PCDHA9: variants seen among roughly 807,000 people sequenced by gnomAD.
PCDHA9 encodes the protein protocadherin alpha-9.
PCDHA9 carries 62 observed loss-of-function variants against 62.0 expected under a neutral mutation model. That is an observed-to-expected ratio of 1.00 (90% CI 0.81 to 1.23). PCDHA9 has a LOEUF of 1.23. Ranked by LOEUF, PCDHA9 falls within the 50% of genes most tolerant of loss-of-function variation. PCDHA9 has a pLI of 0.00. For missense variants in PCDHA9, 1,205 were observed against 1,249.8 expected, an observed-to-expected ratio of 0.96 and a Z score of 0.54; for synonymous variants, 557 against 567.6, an observed-to-expected ratio of 0.98 and a Z score of 0.27.
chr5:140,989,128 G>A (rs2097330831), intron 3 of PCDHA9: 1 of 152,178 alleles, frequency 6.6e-6, no homozygotes, highest in Non-Finnish European at 1.5e-5. Flanking sequence ...AGAAAAATAA[G>A]ACACTTTATC....
intron 1 of PCDHA9, chr5:140,852,649 T>C (rs1206238129): frequency 3.1e-6 from 3 of 960,206 alleles, no homozygotes; most frequent in African/African-American, 3.6e-5. Context: ...TAAACCTATC[T>C]ATATCTGTCT....
At chr5:140,875,891 TA>T (rs2055921027) in intron 1 of PCDHA9, 3 of 1,614,128 alleles carry the variant, frequency 1.9e-6, no homozygotes, top group Middle Eastern at 3.3e-4. Flanking sequence ...GAACAAAAGG[TA>T]CCTGTTTCTG....
intron 3 of PCDHA9, among the ~76,000 whole-genome samples, chr5:140,988,416 A>G (rs1462025901): frequency 6.6e-6 from 1 of 152,118 alleles, no homozygotes; most frequent in Non-Finnish European, 1.5e-5. Flanking sequence ...AGCTTATGTA[A>G]AGAATTTGTT....
intron 1 of PCDHA9, 142 bp from the exon 2 acceptor site, chr5:140,978,807 A>T (rs1489269679): frequency 6.7e-7 from 1 of 1,494,726 alleles, no homozygotes; most frequent in Non-Finnish European, 8.9e-7. Context: ...AGATATCATC[A>T]TAGAGTTACA....
intron 1 of PCDHA9, chr5:140,876,689 C>T: frequency 1.2e-6 from 2 of 1,614,228 alleles, no homozygotes; most frequent in Middle Eastern, 1.6e-4. Context: ...AATTACTACT[C>T]GTTGGTGCTG....
At chr5:141,001,723 A>G (rs936645287) in intron 3 of PCDHA9, among the ~76,000 whole-genome samples, 22 of 152,286 alleles carry the variant, frequency 1.4e-4, no homozygotes, top group African/African-American at 4.8e-4. Context: ...GGAGCTTGAG[A>G]TATTTTACAA....
chr5:140,857,603 C>T lies in PCDHA9; in HGVS notation c.2394+6714C>T, dbSNP rs547758195. The T allele has an allele frequency of 1.4e-5, 22 of 1,596,384 alleles. 1 individual carries two copies. The highest frequency in any genetic ancestry group is 1.3e-4 in the South Asian group (12 of 90,484). On this transcript the variant is annotated intron_variant, in intron 1 of 3. Transcript: ENST00000532602. ...CGCGGAGAGCGGCAAGGTGTACGCG[C>T]TGCAGCCGCTGGACCACGAGGAGCT...
intron 1 of PCDHA9, chr5:140,967,309 A>G (rs782218334): frequency 6.2e-7 from 1 of 1,611,224 alleles, no homozygotes; most frequent in East Asian, 2.2e-5. Context: ...GCGCCAACTC[A>G]GTACAGACCT....
At chr5:140,931,758 A>G (rs1374881766) in intron 1 of PCDHA9, among the ~76,000 whole-genome samples, 1 of 151,944 alleles carries the variant, frequency 6.6e-6, no homozygotes, top group African/African-American at 2.4e-5. Flanking sequence ...GGCATTTGTT[A>G]TTTACTTCTT....
chr5:140,939,634 G>T (rs1032922800), intron 1 of PCDHA9, among the ~76,000 whole-genome samples: 12 of 152,184 alleles, frequency 7.9e-5, no homozygotes, highest in South Asian at 4.1e-4. Flanking sequence ...AATCAATAAG[G>T]GTACTGAAAA....
intron 1 of PCDHA9, chr5:140,851,167 C>T: frequency 7.8e-7 from 1 of 1,282,038 alleles, no homozygotes. Context: ...GCTATGCTGC[C>T]ATAACACTTG....
chr5:140,877,902 C>T (rs2153356896), intron 1 of PCDHA9: 1 of 1,438,302 alleles, frequency 7.0e-7, no homozygotes, highest in Middle Eastern at 2.3e-4. Flanking sequence ...TAGGTTATAA[C>T]TACATTCTCT....
intron 1 of PCDHA9, chr5:140,871,382 A>G (rs781900960): frequency 1.2e-6 from 2 of 1,614,188 alleles, no homozygotes; most frequent in South Asian, 2.2e-5. Flanking sequence ...GTGTGCTCTG[A>G]GGAGGGCCCA....
At chr5:140,883,623 C>T (rs782045250) in intron 1 of PCDHA9, 3 of 1,613,988 alleles carry the variant, frequency 1.9e-6, no homozygotes, top group East Asian at 4.5e-5. Context: ...AACGACAACG[C>T]GCCGGCGTTC....
chr5:140,929,282 A>T, intron 1 of PCDHA9: 1 of 1,601,564 alleles, frequency 6.2e-7, no homozygotes, highest in South Asian at 1.1e-5. Flanking sequence ...TCCTGTATTC[A>T]GATTCGGAAT....
Position 140,851,473 on chromosome 5 carries a change from G to T in PCDHA9, c.2394+584G>T. The stretch of plus-strand genomic sequence containing the variant: ...TAGGAATCAAATTATGTCAATAAAT[G>T]TTATAAACACAGCCTTCATTTCAAC... On this transcript the variant is annotated intron_variant, in intron 1 of 3. Coordinates refer to ENST00000532602, the MANE Select transcript of PCDHA9 (RefSeq NM_031857.2). 6.7e-6 allele frequency: 6 copies of T among 889,518 alleles called. 1 individual carries two copies. The highest frequency in any genetic ancestry group is 8.2e-6 in the Non-Finnish European group (6 of 729,154). 55.1% of individuals were successfully genotyped at this position (889,518 alleles called of 1,614,324 possible).
At position 140,849,713 on chromosome 5, in the gene PCDHA9, G is replaced by A. The variant is rs2150446260; in HGVS notation, c.1218G>A (p.Ser406=). The part of the protein sequence containing the change: ...KLVSTYKNYY[S]LVLDRALDRE... ...TGTCCACCTACAAGAATTACTACTC[G>A]TTGGTGCTGGACAGAGCTCTGGACC... Residue 406 remains serine (S), a synonymous_variant, in exon 1 of 4, where the codon TCG becomes TCA. Transcript: ENST00000532602. The A allele has an allele frequency of 6.6e-5, 105 of 1,598,450 alleles. 8 individuals carry two copies. Among genetic ancestry groups the A allele is most frequent in the Middle Eastern group, 1.7e-4 (1 of 5,910 alleles).
chr5:140,868,954 C>T (rs192231), intron 1 of PCDHA9: 649,749 of 1,346,616 alleles, frequency 0.48, 158,482 homozygotes, highest in South Asian at 0.57. Flanking sequence ...GTGAGGCACT[C>T]CCATACAAAG....
At chr5:140,937,446 G>A (rs1330877546) in intron 1 of PCDHA9, among the ~76,000 whole-genome samples, 1 of 152,088 alleles carries the variant, frequency 6.6e-6, no homozygotes, top group Non-Finnish European at 1.5e-5. Context: ...TATTTTAAAA[G>A]TTTAATTTTA....
Sources: gnomAD v4.1 joint callset for allele counts (sites outside exome capture counted in the v4.1 genomes callset) on GRCh38, gnomAD v4.1.1 for gene constraint, MANE v1.5 for transcripts, NCBI Gene and HGNC (gene_info 2026-07-23, HGNC 2026-07-21) for gene names.